Variants in AKAP9 observed in about 807,000 individuals in gnomAD.
AKAP9 encodes A-kinase anchor protein 9.
AKAP9 carries 311 observed loss-of-function variants against 488.5 expected under a neutral mutation model. The observed-to-expected ratio is 0.64, with a 90% CI of 0.58 to 0.70. AKAP9 has a LOEUF of 0.70. Ranked by LOEUF, AKAP9 falls within the 30% of genes least tolerant of loss-of-function variation. AKAP9 has a pLI of 0.00. For synonymous variants in AKAP9, 1,462 were observed against 1,483.5 expected (o/e 0.99, Z 0.33); for missense variants, 4,215 against 4,374.5 (o/e 0.96, Z 1.03).
intron 1 of AKAP9, among the ~76,000 whole-genome samples, chr7:91,955,266 C>T (rs1045105125): frequency 1.3e-5 from 2 of 152,072 alleles, no homozygotes. Flanking sequence ...TTTAAAAATA[C>T]TTAAATATTT....
chr7:92,081,531 A>G (rs10245095), intron 31 of AKAP9, among the ~76,000 whole-genome samples: 63,857 of 143,048 alleles, frequency 0.45, 15,477 homozygotes, highest in African/African-American at 0.63. Flanking sequence ...AGGTTTCTCC[A>G]TGTTAGCCAA....
chr7:92,014,633 A>C (rs1390221982), intron 10 of AKAP9, among the ~76,000 whole-genome samples: 2 of 152,168 alleles, frequency 1.3e-5, no homozygotes, highest in Non-Finnish European at 2.9e-5. Flanking sequence ...TGTCTCAAAA[A>C]AATAATAATA....
At chr7:91,950,264 C>G (rs1413416084) in intron 1 of AKAP9, among the ~76,000 whole-genome samples, 6 of 140,204 alleles carry the variant, frequency 4.3e-5, no homozygotes. Context: ...GAGTCTTGCT[C>G]TGTCACCCAG....
chr7:92,014,588 T>A (rs751369264), intron 10 of AKAP9, among the ~76,000 whole-genome samples: 1 of 152,142 alleles, frequency 6.6e-6, no homozygotes, highest in Non-Finnish European at 1.5e-5. Context: ...GAGATCATGC[T>A]ACTGCACTCC....
At chr7:92,102,134 TGACAGAGTGA>T (rs1177352097) in intron 45 of AKAP9, among the ~76,000 whole-genome samples, 5 of 149,564 alleles carry the variant, frequency 3.3e-5, no homozygotes, top group Admixed American at 1.3e-4. Flanking sequence ...CCAGTATGGG[TGACAGAGTGA>T]GACTCCGTCT....
Position 92,066,465 on chromosome 7 carries a change from C to T in AKAP9, c.6249C>T (p.Phe2083=), listed in dbSNP as rs139770404. 1.9e-3 allele frequency: 3,014 copies of T among 1,612,522 alleles called. 8 individuals carry two copies. The highest frequency in any genetic ancestry group is 2.3e-3 in the Non-Finnish European group (2,762 of 1,178,920). The stretch of plus-strand genomic sequence containing the variant: ...ACAGAGAACATGAGAGAGATGTATT[C>T]CAACAGGAAATACAGAAACTAGAAC... The part of the protein sequence containing the change: ...AIDREHERDV[F]QQEIQKLEQQ... The change falls in exon 26 of 50, where the codon TTC becomes TTT. Residue 2083 remains phenylalanine, a synonymous_variant. Transcript: ENST00000356239.
chr7:92,094,968 A>C, intron 39 of AKAP9, 55 bp from the exon 40 acceptor site: 4 of 1,564,396 alleles, frequency 2.6e-6, no homozygotes. Flanking sequence ...TCTCTCTCTC[A>C]TTATATGCTT....
At chr7:92,063,406 A>G in intron 24 of AKAP9, 1 of 932,262 alleles carries the variant, frequency 1.1e-6, no homozygotes, top group Non-Finnish European at 1.3e-6. Flanking sequence ...GAAGTAGAAG[A>G]CATATAAATT....
chr7:92,101,157 C>A, intron 45 of AKAP9, 101 bp downstream of exon 45: 1 of 1,189,230 alleles, frequency 8.4e-7, no homozygotes, highest in Non-Finnish European at 1.2e-6. Flanking sequence ...AAATTTAGGG[C>A]CTGGCACAGT....
intron 1 of AKAP9, among the ~76,000 whole-genome samples, chr7:91,967,428 T>G (rs992733866): frequency 1.8e-4 from 27 of 152,210 alleles, no homozygotes; most frequent in African/African-American, 4.8e-4. Flanking sequence ...CAGTGTGATA[T>G]TAGCTGTGGG....
At chr7:91,956,752 A>C (rs149634507) in intron 1 of AKAP9, among the ~76,000 whole-genome samples, 1 of 152,362 alleles carries the variant, frequency 6.6e-6, no homozygotes, top group East Asian at 1.9e-4. Flanking sequence ...TGGAAGTCAA[A>C]GTGTGTTATA....
intron 3 of AKAP9, among the ~76,000 whole-genome samples, chr7:91,984,348 G>A (rs942501865): frequency 6.6e-6 from 1 of 152,136 alleles, no homozygotes; most frequent in Non-Finnish European, 1.5e-5. Context: ...TTCTGCATAT[G>A]GCTAGCCAGT....
At chr7:91,945,066 A>T (rs1791286232) in intron 1 of AKAP9, among the ~76,000 whole-genome samples, 1 of 152,214 alleles carries the variant, frequency 6.6e-6, no homozygotes, top group Admixed American at 6.5e-5. Context: ...AAAAACAACA[A>T]CAACAAAGAC....
chr7:92,086,415 A>G lies in AKAP9; in HGVS notation c.9212A>G (p.Gln3071Arg). ...TGTTTGGAACAGAGAATACAAGAAC[A>G]GGTATAATGAAACTTCATTTTAAAA... is the stretch of plus-strand genomic sequence containing the variant. ...LNCLEQRIQEQGVEYQAAMEC... is the reference protein window; with the variant it reads ...LNCLEQRIQERGVEYQAAMEC... Residue 3071 changes from glutamine (Q) to arginine (R), a missense_variant and splice_region_variant, in exon 37 of 50, where the codon CAG (glutamine) becomes CGG (arginine). This residue lies in a region of AKAP9 where 1,476 missense variants were observed against 1,477.4 expected (regional missense o/e 1.00). Transcript: ENST00000356239. The G allele has an allele frequency of 6.2e-7, 1 of 1,610,706 alleles. No homozygotes were observed. Among genetic ancestry groups the G allele is most frequent in the Non-Finnish European group, 8.5e-7 (1 of 1,176,982 alleles).
intron 47 of AKAP9, among the ~76,000 whole-genome samples, chr7:92,106,447 C>G (rs1367740543): frequency 5.3e-5 from 8 of 152,196 alleles, no homozygotes; most frequent in African/African-American, 2.4e-5. Flanking sequence ...CAGGACCAAA[C>G]ACTGGCAGTC....
chr7:92,027,060 C>CCT (rs1803321909), intron 14 of AKAP9, among the ~76,000 whole-genome samples: 1 of 139,478 alleles, frequency 7.2e-6, no homozygotes. Context: ...CCCGGCCGCC[C>CCT]CGTCTGGGAG....
chr7:92,034,360 C>T (rs902890378), intron 16 of AKAP9, among the ~76,000 whole-genome samples: 1 of 151,674 alleles, frequency 6.6e-6, no homozygotes, highest in African/African-American at 2.4e-5. Context: ...GAAATCCTGG[C>T]ACAGATTTGT....
intron 18 of AKAP9, chr7:92,041,293 A>G (rs1448397074): frequency 3.6e-5 from 6 of 167,086 alleles, no homozygotes; most frequent in Admixed American, 3.5e-4. Context: ...AGTTACTATC[A>G]TTCAGTTTTA....
chr7:91,974,837 TTTTTA>T (rs1167148942), intron 2 of AKAP9, among the ~76,000 whole-genome samples: 1 of 152,112 alleles, frequency 6.6e-6, no homozygotes, highest in East Asian at 1.9e-4. Context: ...AAGCATTTTA[TTTTTA>T]TTTTAATTTT....
Sources: gnomAD v4.1 joint callset for allele counts (sites outside exome capture counted in the v4.1 genomes callset) on GRCh38, gnomAD v4.1.1 for gene constraint, gnomAD v4.1.1 regional missense constraint, MANE v1.5 for transcripts, NCBI Gene and HGNC (gene_info 2026-07-23, HGNC 2026-07-21) for gene names.